KIAA0319: variants seen among roughly 807,000 people sequenced by gnomAD.
KIAA0319 encodes dyslexia-associated protein KIAA0319.
Under a neutral mutation model 108.4 loss-of-function variants are expected in KIAA0319, and 83 were observed. The observed-to-expected ratio is 0.77, with a 90% CI of 0.64 to 0.92. The LOEUF is 0.92. KIAA0319 is among the 40% of genes least tolerant of loss of function. KIAA0319 has a pLI of 0.00. For synonymous variants in KIAA0319, 484 were observed against 510.4 expected (o/e 0.95, Z 0.70); for missense variants, 1,195 against 1,322.4 (o/e 0.90, Z 1.49).
Position 24,556,713 on chromosome 6 carries a change from A to G in KIAA0319, c.2751T>C (p.Cys917=). The change falls in exon 18 of 21, where the codon TGT becomes TGC. Residue 917 remains cysteine, a synonymous_variant. Coordinates refer to ENST00000378214, the MANE Select transcript of KIAA0319 (RefSeq NM_014809.4). ...GGGGGTCGCAGTGACCATGGCCAGA[A>G]CACTTCAGAAGGCAACCTGCAAAGA... ...RVDTAGCLLK[C]SGHGHCDPLT... The G allele has an allele frequency of 1.2e-6, 2 of 1,613,792 alleles. No homozygotes were observed. The highest frequency in any genetic ancestry group is 1.7e-6 in the Non-Finnish European group (2 of 1,179,910).
intron 2 of KIAA0319, among the ~76,000 whole-genome samples, chr6:24,597,009 A>G (rs750453391): frequency 2.0e-5 from 3 of 151,398 alleles, no homozygotes; most frequent in African/African-American, 4.9e-5. Flanking sequence ...CTATTCTTCT[A>G]CCTTTCCACT....
Position 24,566,625 on chromosome 6 carries a change from A to G in KIAA0319, c.2264T>C (p.Ile755Thr). Residue 755 changes from isoleucine to threonine, a missense_variant, in exon 14 of 21, where the codon ATC becomes ACC. Transcript: ENST00000378214. ...AGCTGCTGGACTCTGGCCATCCCGGATCCACAGATAGGACACAATTCTTTG... is the reference window on the plus strand; with the variant it reads ...AGCTGCTGGACTCTGGCCATCCCGGGTCCACAGATAGGACACAATTCTTTG... ...DDQRIVSYLWIRDGQSPAAGD... is the reference protein window; with the variant it reads ...DDQRIVSYLWTRDGQSPAAGD... The G allele has an allele frequency of 1.2e-6, 2 of 1,612,370 alleles. No individual in the cohort carries two copies. Among genetic ancestry groups the G allele is most frequent in the Non-Finnish European group, 1.7e-6 (2 of 1,179,384 alleles).
intron 1 of KIAA0319, among the ~76,000 whole-genome samples, chr6:24,602,694 G>A (rs572529444): frequency 1.8e-4 from 28 of 152,234 alleles, no homozygotes; most frequent in Admixed American, 6.5e-4. Context: ...CCAGCTACTC[G>A]GGAGGCTGAG....
At chr6:24,632,222 T>C (rs1775669828) in intron 1 of KIAA0319, among the ~76,000 whole-genome samples, 1 of 152,234 alleles carries the variant, frequency 6.6e-6, no homozygotes, top group African/African-American at 2.4e-5. Flanking sequence ...ATCGCCATTA[T>C]CAAAATAATA....
intron 1 of KIAA0319, among the ~76,000 whole-genome samples, chr6:24,632,099 G>A (rs1250085196): frequency 6.6e-6 from 1 of 152,168 alleles, no homozygotes; most frequent in Non-Finnish European, 1.5e-5. Flanking sequence ...GTAAATAATT[G>A]TTTGCTTTTT....
chr6:24,644,491 T>C (rs184786786), intron 1 of KIAA0319, among the ~76,000 whole-genome samples: 2 of 152,274 alleles, frequency 1.3e-5, no homozygotes, highest in Admixed American at 1.3e-4. Context: ...TGTGGTAAAA[T>C]TGGTTTCCTT....
chr6:24,645,090 TTG>T (rs1322717364), intron 1 of KIAA0319, among the ~76,000 whole-genome samples: 1 of 152,232 alleles, frequency 6.6e-6, no homozygotes, highest in East Asian at 1.9e-4. Flanking sequence ...TCCAAAATTC[TTG>T]TGTGTGGGGG....
intron 19 of KIAA0319, among the ~76,000 whole-genome samples, chr6:24,551,937 T>C (rs941789717): frequency 1.3e-5 from 2 of 152,040 alleles, no homozygotes; most frequent in Non-Finnish European, 2.9e-5. Context: ...TGTCATGAAC[T>C]AGCAATCAGA....
downstream of KIAA0319, among the ~76,000 whole-genome samples, chr6:24,543,247 TC>T (rs1430763670): frequency 6.6e-6 from 1 of 152,124 alleles, no homozygotes; most frequent in African/African-American, 2.4e-5. Context: ...TCCAGAAAAT[TC>T]AAGCTAATCT....
chr6:24,639,923 AAAT>A (rs1776704554), intron 1 of KIAA0319, among the ~76,000 whole-genome samples: 2 of 152,074 alleles, frequency 1.3e-5, no homozygotes, highest in African/African-American at 2.4e-5. Flanking sequence ...GCATGTTGGT[AAAT>A]AATAATAAAA....
chr6:24,581,024 A>C lies in KIAA0319; in HGVS notation c.1192-11T>G, dbSNP rs1372133784. On this transcript the variant is annotated splice_polypyrimidine_tract_variant and intron_variant, in intron 6 of 20. Coordinates refer to ENST00000378214, the MANE Select transcript of KIAA0319 (RefSeq NM_014809.4). ...AAGTCCGACGGACAACTGTAACATAAAGAAAAGTTGTACAGTTCAACATGC... is the reference window on the plus strand; with the variant it reads ...AAGTCCGACGGACAACTGTAACATACAGAAAAGTTGTACAGTTCAACATGC... The C allele has an allele frequency of 1.3e-5, 20 of 1,572,850 alleles. No individual in the cohort carries two copies. The highest frequency in any genetic ancestry group is 1.7e-5 in the Non-Finnish European group (20 of 1,143,190).
intron 18 of KIAA0319, among the ~76,000 whole-genome samples, chr6:24,555,923 T>C (rs1396315915): frequency 6.6e-6 from 1 of 152,214 alleles, no homozygotes; most frequent in Non-Finnish European, 1.5e-5. Context: ...AATTCTTTCT[T>C]AGAAATGCCA....
At chr6:24,587,374 G>A (rs1243910058) in intron 4 of KIAA0319, among the ~76,000 whole-genome samples, 2 of 151,816 alleles carry the variant, frequency 1.3e-5, no homozygotes, top group Non-Finnish European at 1.5e-5. Context: ...TTTGCCTCCC[G>A]GGTTCATGCC....
At chr6:24,643,934 C>T (rs139936646) in intron 1 of KIAA0319, among the ~76,000 whole-genome samples, 1 of 152,330 alleles carries the variant, frequency 6.6e-6, no homozygotes, top group African/African-American at 2.4e-5. Context: ...GTGGCAGAGC[C>T]ACGCCCAAAC....
Position 24,599,497 on chromosome 6 carries a change from CA to C in KIAA0319, c.55+1551del. ...TACCAGGAGCTGATGATCATCAAGC[CA>C]ACCCTGGACATCGAGATTGTCACCT... On this transcript the variant is annotated intron_variant, in intron 2 of 20. Transcript: ENST00000378214. This position sits in a 1 kb window ranked among gnomAD's most constrained non-coding sequence, Gnocchi z 4.1. 1 of 564,916 alleles carries C rather than the reference CA, an allele frequency of 1.8e-6. No homozygotes were observed. Among genetic ancestry groups the C allele is most frequent in the Non-Finnish European group, 3.4e-6 (1 of 294,494 alleles). 35.0% of individuals were successfully genotyped at this position (564,916 alleles called of 1,614,324 possible). A position where few individuals can be genotyped will look rare whatever the true frequency, so the allele number is the denominator to read the frequency against.
At chr6:24,630,505 T>C (rs1356228520) in intron 1 of KIAA0319, among the ~76,000 whole-genome samples, 1 of 78,830 alleles carries the variant, frequency 1.3e-5, no homozygotes, top group East Asian at 3.2e-4. Flanking sequence ...CAAGATTCTG[T>C]CTCAAAAAAA....
intron 16 of KIAA0319, 27 bp downstream of exon 16, chr6:24,563,332 G>A (rs1363742607): frequency 1.9e-6 from 3 of 1,598,602 alleles, no homozygotes; most frequent in Admixed American, 1.7e-5. Flanking sequence ...TACGGCCAAG[G>A]CCCCGCCTTG....
intron 1 of KIAA0319, among the ~76,000 whole-genome samples, chr6:24,623,222 C>T (rs1774216010): frequency 6.6e-6 from 1 of 151,926 alleles, no homozygotes; most frequent in African/African-American, 2.4e-5. Flanking sequence ...TGCACATGAA[C>T]ACAAACACAC....
At chr6:24,582,771 TTC>T (rs1766810158) in intron 5 of KIAA0319, among the ~76,000 whole-genome samples, 1 of 152,160 alleles carries the variant, frequency 6.6e-6, no homozygotes, top group Non-Finnish European at 1.5e-5. Flanking sequence ...CATTGTGCTT[TTC>T]TCTTTTTAAC....
Sources: gnomAD v4.1 joint callset for allele counts (sites outside exome capture counted in the v4.1 genomes callset) on GRCh38, gnomAD v4.1.1 for gene constraint, Gnocchi (gnomAD v3.1) non-coding constraint, MANE v1.5 for transcripts, NCBI Gene and HGNC (gene_info 2026-07-23, HGNC 2026-07-21) for gene names.